Variants in ADAMTS6 observed in about 807,000 individuals in gnomAD.
ADAMTS6 encodes A disintegrin and metalloproteinase with thrombospondin motifs 6.
Under a neutral mutation model 144.3 loss-of-function variants are expected in ADAMTS6, and 23 were observed. The ratio of observed to expected loss-of-function variants is 0.16; its 90% CI spans 0.11 to 0.23. ADAMTS6 has a LOEUF of 0.23. Ranked by LOEUF, ADAMTS6 falls within the 10% of genes least tolerant of loss-of-function variation. ADAMTS6 has a pLI of 1.00. For missense variants in ADAMTS6, 999 were observed against 1,379.6 expected, an observed-to-expected ratio of 0.72 and a Z score of 4.37; for synonymous variants, 444 against 457.5, an observed-to-expected ratio of 0.97 and a Z score of 0.38.
At chr5:65,356,588 T>C (rs1561458272) in intron 7 of ADAMTS6, among the ~76,000 whole-genome samples, 3 of 151,864 alleles carry the variant, frequency 2.0e-5, no homozygotes, top group Admixed American at 1.3e-4. Flanking sequence ...TCTTGGAAAA[T>C]ATTTTGCACC....
intron 4 of ADAMTS6, among the ~76,000 whole-genome samples, chr5:65,456,939 G>A (rs192184380): frequency 1.3e-5 from 2 of 152,194 alleles, no homozygotes; most frequent in Admixed American, 1.3e-4. Flanking sequence ...TGTGTCAAGG[G>A]GGTTTTCATA....
chr5:65,370,502 G>T (rs1750765403), intron 7 of ADAMTS6, among the ~76,000 whole-genome samples: 1 of 152,220 alleles, frequency 6.6e-6, no homozygotes, highest in South Asian at 2.1e-4. Flanking sequence ...CCTAGTCAAA[G>T]AAAGGGGTGA....
At chr5:65,179,739 T>C (rs575722276) in intron 22 of ADAMTS6, among the ~76,000 whole-genome samples, 5 of 152,326 alleles carry the variant, frequency 3.3e-5, no homozygotes, top group Admixed American at 2.0e-4. Context: ...GAGTCTTATT[T>C]AGGAGACAGA....
chr5:65,179,681 T>C (rs1406826099), intron 22 of ADAMTS6, among the ~76,000 whole-genome samples: 1 of 151,862 alleles, frequency 6.6e-6, no homozygotes, highest in Non-Finnish European at 1.5e-5. Flanking sequence ...CCTGTCCACC[T>C]TCAGAAAAAA....
intron 7 of ADAMTS6, among the ~76,000 whole-genome samples, chr5:65,390,007 T>C (rs575458081): frequency 6.6e-6 from 1 of 152,180 alleles, no homozygotes; most frequent in African/African-American, 2.4e-5. Context: ...CTTAGAAGTA[T>C]AAGTAATTAG....
chr5:65,304,412 T>C (rs534625382), intron 9 of ADAMTS6, among the ~76,000 whole-genome samples: 33 of 152,278 alleles, frequency 2.2e-4, no homozygotes, highest in Admixed American at 1.8e-3. Context: ...AAGATAGATG[T>C]CTACACATTA....
At chr5:65,346,118 G>A (rs1250294232) in intron 7 of ADAMTS6, among the ~76,000 whole-genome samples, 3 of 151,838 alleles carry the variant, frequency 2.0e-5, no homozygotes, top group African/African-American at 7.2e-5. Flanking sequence ...GAAGAAGAGG[G>A]ACTACTTCCA....
intron 18 of ADAMTS6, among the ~76,000 whole-genome samples, chr5:65,216,081 C>T (rs1169363488): frequency 6.6e-6 from 1 of 151,560 alleles, no homozygotes; most frequent in Non-Finnish European, 1.5e-5. Context: ...AATTCAACTC[C>T]TAGGCACATA....
intron 7 of ADAMTS6, among the ~76,000 whole-genome samples, chr5:65,340,665 C>T (rs769916782): frequency 2.0e-5 from 3 of 151,652 alleles, no homozygotes; most frequent in Non-Finnish European, 4.4e-5. Context: ...AAGATATAAA[C>T]TGGCTAAATA....
chr5:65,421,123 A>G (rs566794328), intron 7 of ADAMTS6, among the ~76,000 whole-genome samples: 10 of 152,288 alleles, frequency 6.6e-5, no homozygotes, highest in East Asian at 3.9e-4. Context: ...ACTGTTATCA[A>G]GATACTTTGT....
At chr5:65,274,401 T>A (rs1762294655) in intron 11 of ADAMTS6, among the ~76,000 whole-genome samples, 1 of 152,064 alleles carries the variant, frequency 6.6e-6, no homozygotes, top group Non-Finnish European at 1.5e-5. Flanking sequence ...TATATATTTA[T>A]AATAAAAATG....
At position 65,151,788 on chromosome 5, in the gene ADAMTS6, G is replaced by C. The variant is rs191097702; in HGVS notation, c.*48C>G. The C allele has an allele frequency of 6.7e-7, 1 of 1,492,242 alleles. No homozygotes were observed. The highest frequency in any genetic ancestry group is 1.4e-5 in the African/African-American group (1 of 72,260). 92.4% of individuals were successfully genotyped at this position (1,492,242 alleles called of 1,614,324 possible). On this transcript the variant is annotated 3_prime_UTR_variant, in exon 25 of 25. Coordinates refer to ENST00000381055, the MANE Select transcript of ADAMTS6 (RefSeq NM_197941.4). ...CTCTGGGTGGCTCTCTTTGATGGAT[G>C]CATTTCCATGATGAAATGACAAGGC...
Position 65,398,830 on chromosome 5 carries a change from AAGAAAGAAAGAAAGAAAGAAAAAG to A in ADAMTS6, c.1073+52621_1073+52644del, listed in dbSNP as rs1335675468. 1.7e-4 allele frequency among the ~76,000 whole-genome samples: 25 copies of A among 146,284 alleles called. No homozygotes were observed. In the East Asian group the frequency reaches 3.8e-3, roughly 22 times the overall value. On this transcript the variant is annotated intron_variant, in intron 7 of 24. Transcript: ENST00000381055. ...AAAGAAAGAAAGAAAGAAAGAAAGA[AAGAAAGAAAGAAAGAAAGAAAAAG>A]AAAGAGAAAGAAAGAAAGAAAGAAA...
chr5:65,430,270 AC>A, intron 7 of ADAMTS6, among the ~76,000 whole-genome samples: 1 of 151,832 alleles, frequency 6.6e-6, no homozygotes, highest in Non-Finnish European at 1.5e-5. Flanking sequence ...AAGACTTGGT[AC>A]CCCTACAAAC....
At chr5:65,407,679 T>C (rs1331680150) in intron 7 of ADAMTS6, among the ~76,000 whole-genome samples, 1 of 152,094 alleles carries the variant, frequency 6.6e-6, no homozygotes, top group African/African-American at 2.4e-5. Context: ...CATCATTTTT[T>C]ATGGCTGCAC....
chr5:65,275,100 A>G (rs1762354378), intron 11 of ADAMTS6, among the ~76,000 whole-genome samples: 2 of 151,154 alleles, frequency 1.3e-5, no homozygotes, highest in African/African-American at 4.8e-5. Context: ...TGATGCCTGT[A>G]ATCCCACAGT....
intron 10 of ADAMTS6, among the ~76,000 whole-genome samples, chr5:65,296,555 AT>A (rs960635275): frequency 3.9e-5 from 6 of 152,132 alleles, no homozygotes; most frequent in African/African-American, 1.4e-4. Flanking sequence ...TAGATTCTAC[AT>A]TTTTTTAAAA....
chr5:65,371,813 A>G (rs1178371185), intron 7 of ADAMTS6, among the ~76,000 whole-genome samples: 3 of 152,194 alleles, frequency 2.0e-5, no homozygotes, highest in Non-Finnish European at 4.4e-5. Flanking sequence ...CCCAAGACAC[A>G]TAATTGTCAG....
chr5:65,408,797 G>A (rs917040056), intron 7 of ADAMTS6, among the ~76,000 whole-genome samples: 7 of 152,118 alleles, frequency 4.6e-5, no homozygotes, highest in Non-Finnish European at 7.4e-5. Flanking sequence ...ATAACAAACT[G>A]TCTCTCAGAC....
Sources: allele counts gnomAD v4.1 joint callset (sites outside exome capture counted in the v4.1 genomes callset), GRCh38; gene constraint gnomAD v4.1.1; transcripts MANE v1.5; gene names NCBI Gene and HGNC (gene_info 2026-07-23, HGNC 2026-07-21).